The following KANSL1L variants were observed in gnomAD, a reference collection of about 807,000 sequenced individuals.
KANSL1L encodes KAT8 regulatory NSL complex subunit 1-like protein.
In KANSL1L, 25 loss-of-function variants were observed where a neutral mutation model predicts 108.6. The ratio of observed to expected loss-of-function variants is 0.23; its 90% CI spans 0.17 to 0.32. KANSL1L has a LOEUF of 0.32. KANSL1L is among the 10% of genes least tolerant of loss of function. KANSL1L has a pLI of 1.00. For synonymous variants in KANSL1L, 405 were observed against 395.1 expected (o/e 1.03, Z -0.30); for missense variants, 1,137 against 1,125.7 (o/e 1.01, Z -0.14).
intron 2 of KANSL1L, among the ~76,000 whole-genome samples, chr2:210,141,854 T>G (rs191820863): frequency 6.6e-6 from 1 of 152,232 alleles, no homozygotes; most frequent in Non-Finnish European, 1.5e-5. Flanking sequence ...ATCCTACTTA[T>G]TGATTTGTAT....
chr2:210,049,605 A>G (rs961625266), intron 6 of KANSL1L, among the ~76,000 whole-genome samples: 19 of 152,116 alleles, frequency 1.2e-4, no homozygotes, highest in Non-Finnish European at 2.5e-4. Context: ...TTTAAAAGAA[A>G]AATTTTCTTT....
intron 6 of KANSL1L, among the ~76,000 whole-genome samples, chr2:210,053,864 G>C (rs920977047): frequency 2.6e-5 from 4 of 151,838 alleles, no homozygotes; most frequent in Non-Finnish European, 5.9e-5. Flanking sequence ...TCCTAATATA[G>C]ATAAAGAGCT....
Position 210,044,157 on chromosome 2 carries a change from A to T in KANSL1L, c.1756-53T>A, listed in dbSNP as rs1400202185. On this transcript the variant is annotated intron_variant, in intron 6 of 14. Transcript: ENST00000281772. The surrounding 1 kb of genome is among the most constrained non-coding windows in gnomAD (Gnocchi z 4.2). Reference sequence around the variant, plus strand: ...CACAGCCAAAGCATCCATAAATGGCATATCTCTACATTTATTTAGGTTATC... The same window carrying T: ...CACAGCCAAAGCATCCATAAATGGCTTATCTCTACATTTATTTAGGTTATC... The T allele has an allele frequency of 8.4e-7, 1 of 1,184,188 alleles. No individual in the cohort carries two copies. Among genetic ancestry groups the T allele is most frequent in the Non-Finnish European group, 1.1e-6 (1 of 876,024 alleles). 73.4% of individuals were successfully genotyped at this position (1,184,188 alleles called of 1,614,324 possible).
chr2:210,031,825 A>C (rs1043652351), intron 8 of KANSL1L, among the ~76,000 whole-genome samples: 8 of 152,170 alleles, frequency 5.3e-5, no homozygotes, highest in African/African-American at 1.9e-4. Context: ...ATTGGCTCAG[A>C]TATATAAATC....
At chr2:210,164,968 C>A (rs1310926929) in intron 1 of KANSL1L, among the ~76,000 whole-genome samples, 2 of 150,160 alleles carry the variant, frequency 1.3e-5, no homozygotes, top group South Asian at 4.2e-4. Context: ...TGGGTTCAAG[C>A]GATTCTCCTG....
intron 9 of KANSL1L, among the ~76,000 whole-genome samples, 169 bp from the exon 10 acceptor site, chr2:210,030,087 A>T (rs1285206753): frequency 1.3e-5 from 2 of 152,082 alleles, no homozygotes; most frequent in African/African-American, 4.8e-5. Flanking sequence ...CCTTACTTGC[A>T]GTCATGCCAC....
chr2:210,104,444 G>C (rs1371521054), intron 3 of KANSL1L, 143 bp from the exon 4 acceptor site: 12 of 623,428 alleles, frequency 1.9e-5, no homozygotes, highest in Admixed American at 1.8e-4. Context: ...ACTCTGTAAA[G>C]AACTGGCTGG....
chr2:210,030,820 A>G (rs926385099), intron 9 of KANSL1L: 1 of 151,924 alleles, frequency 6.6e-6, no homozygotes, highest in African/African-American at 2.4e-5. Flanking sequence ...CAGATGTCCT[A>G]CCCTTTTGGA....
intron 6 of KANSL1L, among the ~76,000 whole-genome samples, chr2:210,059,503 C>T (rs1028134711): frequency 6.6e-6 from 1 of 152,166 alleles, no homozygotes; most frequent in African/African-American, 2.4e-5. Flanking sequence ...TGCTTCCCTA[C>T]AAAAAATAAC....
chr2:210,022,713 TGTAA>T lies in KANSL1L; in HGVS notation c.*232_*235del, dbSNP rs200058020. 1.0e-5 allele frequency: 5 copies of T among 477,224 alleles called. No homozygotes were observed. Among genetic ancestry groups the T allele is most frequent in the South Asian group, 2.5e-5 (1 of 40,276 alleles). The allele number at this position is 477,224 out of a possible 1,614,324, so 29.6% of individuals were successfully genotyped here. A position where few individuals can be genotyped will look rare whatever the true frequency, so the allele number is the denominator to read the frequency against. The stretch of plus-strand genomic sequence containing the variant: ...TTGCAGCAATTAATATCTTGGTGTT[TGTAA>T]GTAAGTTGCATGATAAACACAAATG... On this transcript the variant is annotated 3_prime_UTR_variant, in exon 15 of 15. Coordinates refer to ENST00000281772, the MANE Select transcript of KANSL1L (RefSeq NM_152519.4).
At chr2:210,108,403 T>C (rs566983222) in intron 3 of KANSL1L, among the ~76,000 whole-genome samples, 2 of 152,290 alleles carry the variant, frequency 1.3e-5, no homozygotes, top group African/African-American at 4.8e-5. Context: ...CCAGTAGATG[T>C]TGCAATCAAG....
In KANSL1L at chr2:210,021,640, A is replaced by G. The variant is rs2093857764; in HGVS notation, c.*1309T>C. The G allele has an allele frequency of 6.6e-6, 1 of 152,524 alleles. No homozygotes were observed. The highest frequency in any genetic ancestry group is 2.4e-5 in the African/African-American group (1 of 41,444). The allele number at this position is 152,524 out of a possible 1,614,324, so 9.4% of individuals were successfully genotyped here. A position where few individuals can be genotyped will look rare whatever the true frequency, so the allele number is the denominator to read the frequency against. ...GGACTAGTATAATTTCCAATCTCTA[A>G]CAAAAACTTAGTGTCAAATCTCACA... On this transcript the variant is annotated 3_prime_UTR_variant, in exon 15 of 15. Transcript: ENST00000281772.
chr2:210,077,631 G>C (rs1161642489), intron 5 of KANSL1L, among the ~76,000 whole-genome samples: 1 of 152,172 alleles, frequency 6.6e-6, no homozygotes, highest in African/African-American at 2.4e-5. Context: ...TCTTTGTCCA[G>C]CAAGTCAGAA....
chr2:210,138,716 T>C (rs1484910202), intron 2 of KANSL1L, among the ~76,000 whole-genome samples: 2 of 152,196 alleles, frequency 1.3e-5, no homozygotes, highest in Non-Finnish European at 1.5e-5. Flanking sequence ...CCATGCTAAT[T>C]AACATATCCA....
chr2:210,024,731 C>T (rs1575345168), intron 13 of KANSL1L, among the ~76,000 whole-genome samples: 2 of 151,852 alleles, frequency 1.3e-5, no homozygotes, highest in Non-Finnish European at 2.9e-5. Flanking sequence ...TAAAGAAAAA[C>T]ATATTTTGGA....
intron 2 of KANSL1L, among the ~76,000 whole-genome samples, chr2:210,148,391 G>A (rs896755201): frequency 6.6e-6 from 1 of 152,116 alleles, no homozygotes; most frequent in Non-Finnish European, 1.5e-5. Flanking sequence ...TAACGTAACT[G>A]TAGCCAACTT....
chr2:210,086,491 T>A (rs1374265327), intron 5 of KANSL1L, among the ~76,000 whole-genome samples: 11 of 141,120 alleles, frequency 7.8e-5, no homozygotes, highest in Non-Finnish European at 7.6e-5. Context: ...TTAATAAAGC[T>A]AAAAAAAAAA....
chr2:210,150,343 T>G (rs542375563), intron 2 of KANSL1L, among the ~76,000 whole-genome samples: 134 of 152,250 alleles, frequency 8.8e-4, no homozygotes, highest in African/African-American at 2.9e-3. Flanking sequence ...AAAAAAAAAT[T>G]TTTTTTCTAT....
intron 2 of KANSL1L, among the ~76,000 whole-genome samples, chr2:210,132,613 C>A (rs1421250707): frequency 6.6e-6 from 1 of 152,172 alleles, no homozygotes; most frequent in African/African-American, 2.4e-5. Context: ...AATGCAATTT[C>A]TCTTGGTACT....
Sources: gnomAD v4.1 joint callset for allele counts (sites outside exome capture counted in the v4.1 genomes callset) on GRCh38, gnomAD v4.1.1 for gene constraint, Gnocchi (gnomAD v3.1) non-coding constraint, MANE v1.5 for transcripts, NCBI Gene and HGNC (gene_info 2026-07-23, HGNC 2026-07-21) for gene names.